Variants in LRRTM4 observed in about 807,000 individuals in gnomAD.
LRRTM4 encodes leucine rich repeat transmembrane neuronal 4.
Under a neutral mutation model 47.6 loss-of-function variants are expected in LRRTM4, and 25 were observed. The ratio of observed to expected loss-of-function variants is 0.53; its 90% confidence interval spans 0.38 to 0.73. LRRTM4 has a LOEUF of 0.73. Among genes scored for constraint, LRRTM4 ranks in the 30% least tolerant of loss-of-function variants. The probability of loss-of-function intolerance (pLI) is 0.00; values close to 1 mark genes in which losing one functional copy is unlikely to be tolerated. For synonymous variants in LRRTM4, 311 were observed against 269.5 expected, an observed-to-expected ratio of 1.15 and a Z score of -1.51; for missense variants, 638 against 713.4, an observed-to-expected ratio of 0.89 and a Z score of 1.20.
intron 3 of LRRTM4, among the ~76,000 whole-genome samples, chr2:77,073,931 A>C (rs1680247515): frequency 6.6e-6 from 1 of 152,022 alleles, no homozygotes; most frequent in Non-Finnish European, 1.5e-5. Flanking sequence ...TTATTTAATA[A>C]ATTTAATTTT....
intron 3 of LRRTM4, among the ~76,000 whole-genome samples, chr2:77,434,238 A>G (rs892276801): frequency 7.1e-6 from 1 of 140,126 alleles, no homozygotes; most frequent in Non-Finnish European, 1.6e-5. Flanking sequence ...ATCAGATCCC[A>G]GATTGGGAAA....
chr2:77,074,303 T>C (rs377100378), intron 3 of LRRTM4, among the ~76,000 whole-genome samples: 22 of 152,288 alleles, frequency 1.4e-4, no homozygotes, highest in African/African-American at 5.3e-4. Flanking sequence ...TCTTGGGCAT[T>C]TGTACATCCT....
intron 3 of LRRTM4, among the ~76,000 whole-genome samples, chr2:77,040,148 A>T (rs925987818): frequency 2.6e-5 from 4 of 151,304 alleles, no homozygotes; most frequent in Non-Finnish European, 5.9e-5. Flanking sequence ...CCATGAATCC[A>T]TATAAAACTA....
At chr2:76,991,655 C>G (rs183730104) in intron 3 of LRRTM4, among the ~76,000 whole-genome samples, 1 of 151,582 alleles carries the variant, frequency 6.6e-6, no homozygotes, top group Admixed American at 6.6e-5. Context: ...AAACTACCAA[C>G]AAAAAAGAGA....
At chr2:77,135,373 A>T (rs534266673) in intron 3 of LRRTM4, among the ~76,000 whole-genome samples, 1 of 152,302 alleles carries the variant, frequency 6.6e-6, no homozygotes, top group South Asian at 2.1e-4. Flanking sequence ...TTTTCATCAT[A>T]ACCAGGGTAC....
chr2:76,931,806 T>C (rs1162881918), intron 3 of LRRTM4, among the ~76,000 whole-genome samples: 2 of 152,152 alleles, frequency 1.3e-5, no homozygotes, highest in South Asian at 4.1e-4. Context: ...TACCCTAGTT[T>C]TACCTTTCAA....
At chr2:77,068,592 A>T (rs1410664254) in intron 3 of LRRTM4, among the ~76,000 whole-genome samples, 5 of 152,140 alleles carry the variant, frequency 3.3e-5, no homozygotes, top group Admixed American at 3.3e-4. Context: ...CTTTAATTGT[A>T]TATGTTTTCA....
chr2:76,812,063 A>T (rs1161424900), intron 3 of LRRTM4, among the ~76,000 whole-genome samples: 2 of 152,188 alleles, frequency 1.3e-5, no homozygotes, highest in South Asian at 2.1e-4. Flanking sequence ...ACATTAAAAT[A>T]ACTTATACTC....
chr2:77,185,909 G>A (rs10176578), intron 3 of LRRTM4, among the ~76,000 whole-genome samples: 17,819 of 151,948 alleles, frequency 0.12, 2,823 homozygotes, highest in African/African-American at 0.37. Flanking sequence ...ATAATAACTC[G>A]CCTTACGTGT....
At chr2:77,170,516 C>T (rs1186458378) in intron 3 of LRRTM4, among the ~76,000 whole-genome samples, 2 of 152,144 alleles carry the variant, frequency 1.3e-5, no homozygotes. Context: ...TGAGACTTCT[C>T]ACCAATGGAG....
intron 3 of LRRTM4, among the ~76,000 whole-genome samples, chr2:77,209,325 G>C (rs1253280902): frequency 6.6e-6 from 1 of 151,868 alleles, no homozygotes; most frequent in Non-Finnish European, 1.5e-5. Flanking sequence ...AGAATTTGGG[G>C]AAAGTTACAA....
intron 3 of LRRTM4, among the ~76,000 whole-genome samples, chr2:77,325,965 G>T (rs1183436362): frequency 6.6e-6 from 1 of 152,140 alleles, no homozygotes; most frequent in Non-Finnish European, 1.5e-5. Flanking sequence ...TTCCTGTGAG[G>T]CAGGTCACAA....
intron 3 of LRRTM4, among the ~76,000 whole-genome samples, chr2:77,498,204 AG>A (rs1162572970): frequency 1.3e-5 from 2 of 151,876 alleles, no homozygotes; most frequent in Non-Finnish European, 2.9e-5. Context: ...CTCAATTGGA[AG>A]AAATCTTTCA....
At chr2:77,306,569 C>T (rs1452885791) in intron 3 of LRRTM4, among the ~76,000 whole-genome samples, 2 of 152,148 alleles carry the variant, frequency 1.3e-5, no homozygotes, top group Non-Finnish European at 2.9e-5. Context: ...TCCTTAATAT[C>T]GCTCTCCTCT....
At chr2:76,934,895 C>A (rs1482253344) in intron 3 of LRRTM4, among the ~76,000 whole-genome samples, 1 of 151,616 alleles carries the variant, frequency 6.6e-6, no homozygotes, top group East Asian at 1.9e-4. Flanking sequence ...TTCTGTAAAT[C>A]TAGTTTATGA....
At chr2:77,398,666 G>A (rs1673802283) in intron 3 of LRRTM4, among the ~76,000 whole-genome samples, 1 of 151,782 alleles carries the variant, frequency 6.6e-6, no homozygotes, top group South Asian at 2.1e-4. Flanking sequence ...AGTATGCTGG[G>A]TATATGGCAG....
chr2:76,915,880 AAAT>A (rs1328831496), intron 3 of LRRTM4, among the ~76,000 whole-genome samples: 2 of 152,160 alleles, frequency 1.3e-5, no homozygotes, highest in Non-Finnish European at 2.9e-5. Flanking sequence ...GTAGATTATT[AAAT>A]AATAAGTAAT....
chr2:76,820,086 C>T (rs1298470933), intron 3 of LRRTM4, among the ~76,000 whole-genome samples: 1 of 151,950 alleles, frequency 6.6e-6, no homozygotes, highest in Non-Finnish European at 1.5e-5. Context: ...AAGGAAACTA[C>T]ATGTAGTCTA....
At chr2:76,943,813 T>A (rs1049489599) in intron 3 of LRRTM4, among the ~76,000 whole-genome samples, 5 of 152,204 alleles carry the variant, frequency 3.3e-5, no homozygotes, top group African/African-American at 1.2e-4. Flanking sequence ...AATATAAGCA[T>A]CAGCCTTAAT....
Sources: allele counts gnomAD v4.1 joint callset (sites outside exome capture counted in the v4.1 genomes callset), GRCh38; gene constraint gnomAD v4.1.1; transcripts MANE v1.5; gene names NCBI Gene and HGNC (gene_info 2026-07-23, HGNC 2026-07-21).